ITPR1: variants seen among roughly 807,000 people sequenced by gnomAD.
ITPR1 encodes inositol 1,4,5-trisphosphate receptor type 1, also known as inositol 1,4,5-trisphosphate-gated calcium channel ITPR1.
Under a neutral mutation model 318.4 loss-of-function variants are expected in ITPR1, and 96 were observed. That is an observed-to-expected ratio of 0.30 (90% CI 0.26 to 0.36). The LOEUF is 0.36. ITPR1 is among the 10% of genes least tolerant of loss of function. The pLI is 1.00. For synonymous variants in ITPR1, 1,312 were observed against 1,289.9 expected, an observed-to-expected ratio of 1.02 and a Z score of -0.37; for missense variants, 2,440 against 3,460.2, an observed-to-expected ratio of 0.71 and a Z score of 7.40.
intron 30 of ITPR1, among the ~76,000 whole-genome samples, chr3:4,687,142 A>ATT (rs914341634): frequency 6.6e-6 from 1 of 152,254 alleles, no homozygotes; most frequent in African/African-American, 2.4e-5. Context: ...TTTGAACAGC[A>ATT]TATCAGCTAG....
At chr3:4,801,892 T>C (rs1387904711) in intron 54 of ITPR1, among the ~76,000 whole-genome samples, 4 of 152,096 alleles carry the variant, frequency 2.6e-5, no homozygotes, top group Non-Finnish European at 4.4e-5. Flanking sequence ...AGCAGAACAG[T>C]GGGAAAGCTC....
intron 61 of ITPR1, 121 bp from the exon 62 acceptor site, chr3:4,846,018 C>CTATT (rs2051750498): frequency 5.3e-6 from 3 of 564,500 alleles, no homozygotes; most frequent in African/African-American, 1.9e-5. Flanking sequence ...CGATGGTACA[C>CTATT]TATTTGTAGA....
At chr3:4,683,945 G>C in intron 28 of ITPR1, 147 bp downstream of exon 28, 1 of 797,146 alleles carries the variant, frequency 1.3e-6, no homozygotes, top group Non-Finnish European at 2.0e-6. Flanking sequence ...CAAGCTGTTT[G>C]CCTAGGAAAT....
Position 4,667,378 on chromosome 3 carries a change from A to T in ITPR1, c.1715A>T (p.Glu572Val). The T allele has an allele frequency of 6.2e-7, 1 of 1,602,880 alleles. No homozygotes were observed. Among genetic ancestry groups the T allele is most frequent in the Non-Finnish European group, 8.5e-7 (1 of 1,174,024 alleles). ...HSQQDYRKNQEYIAKQFGFMQ... is the reference protein window; with the variant it reads ...HSQQDYRKNQVYIAKQFGFMQ... ...CGTCTCTTTTCTCTCCTTATAAAGGAGTATATAGCCAAGCAGTTTGGCTTC... is the reference window on the plus strand; with the variant it reads ...CGTCTCTTTTCTCTCCTTATAAAGGTGTATATAGCCAAGCAGTTTGGCTTC... The change falls in exon 18 of 62, where the codon GAG becomes GTG. Residue 572 changes from glutamate to valine, a missense_variant and splice_region_variant. Physicochemically the swap from Glu to Val is moderately radical, Grantham distance 121. This residue lies in a region of ITPR1 where 478 missense variants were observed against 696.3 expected (regional missense o/e 0.69). Transcript: ENST00000649015.
At chr3:4,713,723 A>G (rs2041553101) in intron 39 of ITPR1, among the ~76,000 whole-genome samples, 1 of 152,216 alleles carries the variant, frequency 6.6e-6, no homozygotes, top group Non-Finnish European at 1.5e-5. Flanking sequence ...ATTATATCAC[A>G]GTTTTGTAGA....
At position 4,733,368 on chromosome 3, in the gene ITPR1, A is replaced by C. The variant is rs2043060908; in HGVS notation, c.5353+148A>C. 1.3e-5 allele frequency: 12 copies of C among 893,334 alleles called. 2 individuals carry two copies. In the South Asian group the frequency reaches 2.0e-4, roughly 15 times the overall value. 55.3% of individuals were successfully genotyped at this position (893,334 alleles called of 1,614,324 possible). A position where few individuals can be genotyped will look rare whatever the true frequency, so the allele number is the denominator to read the frequency against. ...TAGCAACTTGTTTTGTCTTTGGTCT[A>C]CCATCAAATTGATGCCTAAACATAT... On this transcript the variant is annotated intron_variant, in intron 43 of 61. Transcript: ENST00000649015.
At chr3:4,830,287 T>G (rs1382535624) in intron 60 of ITPR1, among the ~76,000 whole-genome samples, 1 of 152,114 alleles carries the variant, frequency 6.6e-6, no homozygotes, top group South Asian at 2.1e-4. Context: ...ATAATAGATA[T>G]TATTAAGTGG....
At chr3:4,566,017 C>T (rs1575552315) in intron 4 of ITPR1, among the ~76,000 whole-genome samples, 1 of 152,088 alleles carries the variant, frequency 6.6e-6, no homozygotes, top group South Asian at 2.1e-4. Flanking sequence ...TAATGCTGGC[C>T]CCGTCTTGCT....
chr3:4,631,649 A>G (rs1171035339), intron 5 of ITPR1, among the ~76,000 whole-genome samples: 3 of 152,160 alleles, frequency 2.0e-5, no homozygotes, highest in African/African-American at 7.2e-5. Context: ...CTTTTTCCAA[A>G]ATAATCAGCA....
At chr3:4,696,369 C>A (rs1163243676) in intron 33 of ITPR1, among the ~76,000 whole-genome samples, 2 of 152,152 alleles carry the variant, frequency 1.3e-5, no homozygotes, top group Non-Finnish European at 2.9e-5. Context: ...CACATGTGGT[C>A]TTTTATGACT....
intron 4 of ITPR1, among the ~76,000 whole-genome samples, chr3:4,526,513 T>A (rs2124940579): frequency 6.6e-6 from 1 of 152,370 alleles, no homozygotes; most frequent in South Asian, 2.1e-4. Context: ...CAGGACAAGA[T>A]GAGTTACACT....
intron 48 of ITPR1, among the ~76,000 whole-genome samples, chr3:4,778,883 G>A (rs1484657464): frequency 6.6e-6 from 1 of 152,186 alleles, no homozygotes; most frequent in African/African-American, 2.4e-5. Context: ...ACATAAAGAA[G>A]CATACAAAGT....
At chr3:4,735,418 G>A (rs2043201026) in intron 44 of ITPR1, 64 bp downstream of exon 44, 1 of 1,373,830 alleles carries the variant, frequency 7.3e-7, no homozygotes, top group African/African-American at 1.4e-5. Context: ...TCTGTTCTGG[G>A]AGCCAGATGT....
intron 4 of ITPR1, among the ~76,000 whole-genome samples, chr3:4,617,239 A>G (rs1239553895): frequency 6.6e-6 from 1 of 152,150 alleles, no homozygotes; most frequent in Non-Finnish European, 1.5e-5. Flanking sequence ...CTGGTATAAC[A>G]GGATACCACA....
intron 16 of ITPR1, 38 bp downstream of exon 16, chr3:4,663,244 G>A (rs879205900): frequency 1.3e-6 from 2 of 1,574,044 alleles, no homozygotes; most frequent in East Asian, 2.3e-5. Flanking sequence ...TTGGCTTTAT[G>A]AGAAATCATA....
At chr3:4,540,922 T>A (rs1410250261) in intron 4 of ITPR1, among the ~76,000 whole-genome samples, 1 of 151,978 alleles carries the variant, frequency 6.6e-6, no homozygotes, top group African/African-American at 2.4e-5. Context: ...ATTCTGTTAT[T>A]TCCCCCTCTA....
chr3:4,610,938 TTCCTCTTCC>T (rs2092047183), intron 4 of ITPR1, among the ~76,000 whole-genome samples: 2 of 74,360 alleles, frequency 2.7e-5, no homozygotes, highest in East Asian at 4.7e-4. Context: ...TCCCTTCCCC[TTCCTCTTCC>T]CCTTCCCCTT....
chr3:4,550,399 C>A (rs540622926), intron 4 of ITPR1, among the ~76,000 whole-genome samples: 2 of 152,112 alleles, frequency 1.3e-5, no homozygotes, highest in African/African-American at 4.8e-5. Flanking sequence ...CTAACGGGGT[C>A]GTGACAGTGA....
intron 61 of ITPR1, among the ~76,000 whole-genome samples, chr3:4,838,352 T>C (rs1283765299): frequency 3.5e-5 from 5 of 141,396 alleles, no homozygotes; most frequent in African/African-American, 1.3e-4. Context: ...CCCCCCGCCG[T>C]GAAACATTTG....
Sources: gnomAD v4.1 joint callset for allele counts (sites outside exome capture counted in the v4.1 genomes callset) on GRCh38, gnomAD v4.1.1 for gene constraint, gnomAD v4.1.1 regional missense constraint, MANE v1.5 for transcripts, NCBI Gene and HGNC (gene_info 2026-07-23, HGNC 2026-07-21) for gene names.